FOXP2: variants seen among roughly 807,000 people sequenced by gnomAD.
FOXP2 encodes forkhead box protein P2.
FOXP2 carries 12 observed loss-of-function variants against 115.8 expected under a neutral mutation model. That is an observed-to-expected ratio of 0.10 (90% CI 0.07 to 0.17). FOXP2 has a LOEUF of 0.17. FOXP2 is among the 10% of genes least tolerant of loss of function. FOXP2 has a pLI of 1.00. For missense variants in FOXP2, 629 were observed against 843.5 expected (o/e 0.75, Z 3.15); for synonymous variants, 328 against 297.7 (o/e 1.10, Z -1.05).
chr7:114,260,520 A>G (rs1795722318), intron 1 of FOXP2, among the ~76,000 whole-genome samples: 1 of 152,054 alleles, frequency 6.6e-6, no homozygotes, highest in Non-Finnish European at 1.5e-5. Flanking sequence ...TTAGCCTTAG[A>G]TGACTCTATT....
At chr7:114,299,324 T>C (rs947402095) in intron 2 of FOXP2, among the ~76,000 whole-genome samples, 1 of 152,030 alleles carries the variant, frequency 6.6e-6, no homozygotes, top group African/African-American at 2.4e-5. Flanking sequence ...CTTTCTTCTC[T>C]TTTTTCTTTG....
At chr7:114,253,501 G>T (rs948006211) in intron 1 of FOXP2, among the ~76,000 whole-genome samples, 2 of 152,134 alleles carry the variant, frequency 1.3e-5, no homozygotes, top group African/African-American at 4.8e-5. Flanking sequence ...ATATATTTAG[G>T]ATAGTTAGCT....
At chr7:114,111,795 C>T (rs1791274167) in intron 1 of FOXP2, among the ~76,000 whole-genome samples, 1 of 151,978 alleles carries the variant, frequency 6.6e-6, no homozygotes, top group African/African-American at 2.4e-5. Flanking sequence ...TTGACATGTT[C>T]TGGTGAGCTG....
chr7:114,343,447 T>G, intron 2 of FOXP2, among the ~76,000 whole-genome samples: 1 of 151,596 alleles, frequency 6.6e-6, no homozygotes, highest in African/African-American at 2.4e-5. Flanking sequence ...ATAAAGTGAA[T>G]TGGTGAAGAA....
At chr7:114,576,184 G>C (rs1490299874) in intron 3 of FOXP2, among the ~76,000 whole-genome samples, 1 of 151,916 alleles carries the variant, frequency 6.6e-6, no homozygotes, top group Non-Finnish European at 1.5e-5. Flanking sequence ...TCCAGATGCT[G>C]TATCCATCTG....
rs189528998 is a variant in FOXP2, at chr7:114,448,700, G to A, written c.168+22021G>A. Among the ~76,000 whole-genome samples the A allele has an allele frequency of 2.6e-4, 40 of 152,174 alleles. 1 individual carries two copies. The East Asian group carries it at 7.3e-3, about 28-fold the overall frequency. On this transcript the variant is annotated intron_variant, in intron 2 of 16. Coordinates refer to ENST00000350908, the MANE Select transcript of FOXP2 (RefSeq NM_014491.4). ...TTTGACAAGCAGCTTTACACACAGT[G>A]CCATATTCATAGTTTGTGAGGGTAA... is the stretch of plus-strand genomic sequence containing the variant.
chr7:114,401,550 G>T (rs942112821), intron 2 of FOXP2, among the ~76,000 whole-genome samples: 2 of 151,890 alleles, frequency 1.3e-5, no homozygotes, highest in Non-Finnish European at 2.9e-5. Context: ...TATCAATCAC[G>T]TGTCAACAGT....
intron 2 of FOXP2, among the ~76,000 whole-genome samples, chr7:114,367,325 A>C (rs1791905834): frequency 2.6e-5 from 4 of 152,112 alleles, no homozygotes. Context: ...TGTCACTATC[A>C]AGGAAAACAC....
intron 3 of FOXP2, among the ~76,000 whole-genome samples, chr7:114,573,899 C>G (rs1264506301): frequency 6.6e-6 from 1 of 151,694 alleles, no homozygotes; most frequent in African/African-American, 2.4e-5. Flanking sequence ...GGGTCAAAAG[C>G]TCTTCATTAT....
At chr7:114,535,128 G>A (rs1195820632) in intron 3 of FOXP2, among the ~76,000 whole-genome samples, 4 of 151,588 alleles carry the variant, frequency 2.6e-5, no homozygotes, top group Non-Finnish European at 5.9e-5. Flanking sequence ...AGAAAACTTC[G>A]AGGATTGCCA....
intron 1 of FOXP2, among the ~76,000 whole-genome samples, chr7:114,225,353 A>T (rs1352061860): frequency 6.6e-6 from 1 of 150,910 alleles, no homozygotes; most frequent in Admixed American, 6.6e-5. Context: ...GAATATTATT[A>T]ACTATTGGTT....
In FOXP2 at chr7:114,447,001, C is replaced by T. The variant is rs146805160; in HGVS notation, c.168+20322C>T. 8.5e-5 allele frequency among the ~76,000 whole-genome samples: 13 copies of T among 152,116 alleles called. No homozygotes were observed. The South Asian group carries it at 2.1e-3, about 24-fold the overall frequency. On this transcript the variant is annotated intron_variant, in intron 2 of 16. Coordinates refer to ENST00000350908, the MANE Select transcript of FOXP2 (RefSeq NM_014491.4). The stretch of plus-strand genomic sequence containing the variant: ...CTGGCCTCAAGCAATCCACTCACTT[C>T]GGCCTCCCAAAGTGCTGGGACTACA...
intron 2 of FOXP2, among the ~76,000 whole-genome samples, chr7:114,296,685 A>C (rs1400126895): frequency 2.0e-5 from 3 of 152,194 alleles, no homozygotes; most frequent in African/African-American, 7.2e-5. Context: ...TGATTTGTGA[A>C]ATACAAAGAT....
In FOXP2 at chr7:114,477,380, A is replaced by G. The variant is rs563161424; in HGVS notation, c.168+50701A>G. On this transcript the variant is annotated intron_variant, in intron 2 of 16. Transcript: ENST00000350908. ...CAACATGGATGTAGCTAGAGGCCAT[A>G]GTCCTAAGCAAATTAACACAGCAAC... Among the ~76,000 whole-genome samples the G allele has an allele frequency of 2.6e-5, 4 of 152,104 alleles. No individual in the cohort carries two copies. The South Asian group carries it at 8.3e-4, about 31-fold the overall frequency.
At chr7:114,196,917 C>A (rs1302180088) in intron 1 of FOXP2, among the ~76,000 whole-genome samples, 1 of 152,142 alleles carries the variant, frequency 6.6e-6, no homozygotes, top group Admixed American at 6.6e-5. Context: ...TTGGGCTGGA[C>A]ATGGTTGCTC....
chr7:114,360,087 A>T (rs1791709568), intron 2 of FOXP2, among the ~76,000 whole-genome samples: 1 of 152,094 alleles, frequency 6.6e-6, no homozygotes, highest in Non-Finnish European at 1.5e-5. Flanking sequence ...GAGGTAATTG[A>T]ATTACAGGGA....
chr7:114,481,778 A>G (rs1355682035), intron 2 of FOXP2, among the ~76,000 whole-genome samples: 1 of 149,934 alleles, frequency 6.7e-6, no homozygotes, highest in East Asian at 1.9e-4. Context: ...CTATCTATCT[A>G]TCTATCTATC....
intron 1 of FOXP2, among the ~76,000 whole-genome samples, chr7:114,190,842 A>G (rs1793739410): frequency 6.6e-6 from 1 of 152,198 alleles, no homozygotes. Context: ...TAAAAAGAAA[A>G]ATTGCTATCA....
chr7:114,179,946 ACTCTTGGACCAGT>A (rs1793415180), intron 1 of FOXP2, among the ~76,000 whole-genome samples: 1 of 151,586 alleles, frequency 6.6e-6, no homozygotes, highest in Admixed American at 6.6e-5. Context: ...TACATTCTTG[ACTCTTGGACCAGT>A]CTCCTTTTCT....
Sources: gnomAD v4.1 joint callset for allele counts (sites outside exome capture counted in the v4.1 genomes callset) on GRCh38, gnomAD v4.1.1 for gene constraint, MANE v1.5 for transcripts, NCBI Gene and HGNC (gene_info 2026-07-23, HGNC 2026-07-21) for gene names.